ZCWPW1: variants seen among roughly 807,000 people sequenced by gnomAD.
ZCWPW1 encodes the protein zinc finger CW-type and PWWP domain containing 1.
A neutral mutation model predicts 81.3 loss-of-function variants in ZCWPW1; 56 were observed. The observed-to-expected ratio is 0.69, with a 90% CI of 0.56 to 0.86. The LOEUF is 0.86. Among genes scored for constraint, ZCWPW1 ranks in the 40% least tolerant of loss-of-function variants. ZCWPW1 has a pLI of 0.00. For synonymous variants in ZCWPW1, 250 were observed against 273.7 expected (o/e 0.91, Z 0.86); for missense variants, 650 against 769.8 (o/e 0.84, Z 1.84).
chr7:100,403,318 C>T (rs6953749), intron 15 of ZCWPW1, among the ~76,000 whole-genome samples: 25,164 of 151,466 alleles, frequency 0.17, 2,243 homozygotes, highest in Middle Eastern at 0.2. Flanking sequence ...CAGGTTCAAG[C>T]GATTCTCCTG....
Position 100,415,976 on chromosome 7 carries a change from A to T in ZCWPW1, c.753T>A (p.Phe251Leu). 1 of 1,614,088 alleles carries T rather than the reference A, an allele frequency of 6.2e-7. No individual in the cohort carries two copies. The highest frequency in any genetic ancestry group is 1.1e-5 in the South Asian group (1 of 91,086). The change falls in exon 8 of 18, where the codon TTT (phenylalanine) becomes TTA (leucine). Residue 251 changes from phenylalanine to leucine, a missense_variant and splice_region_variant. Physicochemically the swap from Phe to Leu is conservative, Grantham distance 22. Transcript: ENST00000684423. ...RDQQKGEISG[F>L]GQCLVWVQCS... Reference sequence around the variant, plus strand: ...GTTTGCCAAACCAGCTAAACTCACCAAAACCACTTATCTCTCCTTTTTGCT... The same window carrying T: ...GTTTGCCAAACCAGCTAAACTCACCTAAACCACTTATCTCTCCTTTTTGCT...
intron 2 of ZCWPW1, among the ~76,000 whole-genome samples, chr7:100,424,117 A>G (rs1289252840): frequency 6.6e-6 from 1 of 152,058 alleles, no homozygotes. Flanking sequence ...TGTAAAAAGA[A>G]TATTAATTTG....
chr7:100,421,252 G>A (rs1796287482), intron 2 of ZCWPW1, among the ~76,000 whole-genome samples: 1 of 152,232 alleles, frequency 6.6e-6, no homozygotes, highest in Non-Finnish European at 1.5e-5. Flanking sequence ...GCAGGCAGCA[G>A]AAATGGTAGT....
chr7:100,404,273 T>C (rs1452427875), intron 13 of ZCWPW1, 29 bp from the exon 14 acceptor site: 3 of 1,606,762 alleles, frequency 1.9e-6, no homozygotes, highest in Non-Finnish European at 1.7e-6. Context: ...AAAAGCATCA[T>C]CCACTACCCT....
chr7:100,415,973 A>G lies in ZCWPW1; in HGVS notation c.754+2T>C. The G allele has an allele frequency of 6.2e-7, 1 of 1,614,064 alleles. No individual in the cohort carries two copies. The highest frequency in any genetic ancestry group is 2.2e-5 in the East Asian group (1 of 44,882). On this transcript the variant is annotated splice_donor_variant, in intron 8 of 17. Coordinates refer to ENST00000684423, the MANE Select transcript of ZCWPW1 (RefSeq NM_001386010.1). LOFTEE classifies it high-confidence loss of function. ...TAGGTTTGCCAAACCAGCTAAACTCACCAAAACCACTTATCTCTCCTTTTT... is the reference window on the plus strand; with the variant it reads ...TAGGTTTGCCAAACCAGCTAAACTCGCCAAAACCACTTATCTCTCCTTTTT...
At chr7:100,404,578 T>C (rs1391109917) in intron 13 of ZCWPW1, among the ~76,000 whole-genome samples, 1 of 152,146 alleles carries the variant, frequency 6.6e-6, no homozygotes, top group East Asian at 1.9e-4. Flanking sequence ...TAGGCTGGTC[T>C]TGAACTCCTG....
Position 100,401,876 on chromosome 7 carries a change from C to G in ZCWPW1, c.1627+13G>C. 7 of 1,604,730 alleles carry G rather than the reference C, an allele frequency of 4.4e-6. No homozygotes were observed. Among genetic ancestry groups the G allele is most frequent in the African/African-American group, 1.3e-5 (1 of 74,804 alleles). ...CTCATTCCCCTTAGTTTTTCCCAGG[C>G]CTTGAGCCTTACCTGGCTGGTCAGA... is the stretch of plus-strand genomic sequence containing the variant. On this transcript the variant is annotated intron_variant, in intron 17 of 17. Transcript: ENST00000684423.
At chr7:100,406,826 A>T in intron 11 of ZCWPW1, 28 bp from the exon 12 acceptor site, 1 of 1,588,824 alleles carries the variant, frequency 6.3e-7, no homozygotes, top group Non-Finnish European at 8.6e-7. Flanking sequence ...CCTGTTACGG[A>T]CTCCTGTCCT....
intron 16 of ZCWPW1, 188 bp from the exon 17 acceptor site, chr7:100,402,229 C>A: frequency 2.5e-6 from 2 of 801,122 alleles, no homozygotes. Context: ...TCTTTTATCC[C>A]CTGGATCTTC....
chr7:100,415,855 A>G (rs571955665), intron 8 of ZCWPW1, 120 bp downstream of exon 8: 2 of 1,313,812 alleles, frequency 1.5e-6, no homozygotes, highest in African/African-American at 1.5e-5. Flanking sequence ...ATTCTGCAAC[A>G]AGCAGCTGTG....
chr7:100,418,599 T>C (rs1484693108), intron 5 of ZCWPW1: 1 of 152,470 alleles, frequency 6.6e-6, no homozygotes, highest in Non-Finnish European at 1.5e-5. Context: ...GAGACCAGCC[T>C]GGCCAGCCTG....
rs758035180 is a variant in ZCWPW1 at position 100,401,227 on chromosome 7, C to T, written c.1737G>A (p.Lys579=). ...VPKNLGLSAC[K]GACPSSAKEE... ...CTTTCGCAGATGAGGGGCAGGCCCC[C>T]TTACACGCTGATAGGCCCAGGTTCT... The change falls in exon 18 of 18, where the codon AAG becomes AAA. Residue 579 remains lysine, a synonymous_variant. Coordinates refer to ENST00000684423, the MANE Select transcript of ZCWPW1 (RefSeq NM_001386010.1). 4.3e-6 allele frequency: 7 copies of T among 1,614,222 alleles called. 1 individual carries two copies. In the South Asian group the frequency reaches 7.7e-5, roughly 18 times the overall value.
Position 100,407,229 on chromosome 7 carries a change from G to A in ZCWPW1, c.1067C>T (p.Pro356Leu), listed in dbSNP as rs200631169. 76 of 1,613,704 alleles carry A rather than the reference G, an allele frequency of 4.7e-5. No homozygotes were observed. In the East Asian group the frequency reaches 9.6e-4, roughly 20 times the overall value. ...CTTACCCTGAACCAGGAAACTCACC[G>A]GCAGGGAATCAAGATGGGAAGTAAA... ...FLFTSHLDSL[P>L]SKYHVTFFGE... The change falls in exon 11 of 18, where the codon CCG (proline) becomes CTG (leucine). Residue 356 changes from proline (P) to leucine (L), a missense_variant and splice_region_variant. Physicochemically the swap from Pro to Leu is moderately conservative, Grantham distance 98. Coordinates refer to ENST00000684423, the MANE Select transcript of ZCWPW1 (RefSeq NM_001386010.1).
intron 8 of ZCWPW1, among the ~76,000 whole-genome samples, chr7:100,412,742 C>T (rs1052101375): frequency 5.3e-5 from 8 of 152,038 alleles, no homozygotes; most frequent in African/African-American, 9.7e-5. Flanking sequence ...CTACCACACC[C>T]GGCTAATTTT....
rs1287116297 is a variant in ZCWPW1 at position 100,420,621 on chromosome 7, CCTT to C, written c.26_28del (p.Glu10del). The C allele has an allele frequency of 6.2e-7, 1 of 1,614,138 alleles. No individual in the cohort carries two copies. The highest frequency in any genetic ancestry group is 1.7e-5 in the Admixed American group (1 of 60,020). The stretch of plus-strand genomic sequence containing the variant: ...GCGAACCTCCCTCACTCTTGACTCA[CCTT>C]CTTTATTCTGCAACGTTGTCATCAT... On this transcript the variant is annotated inframe_deletion and splice_region_variant, in exon 3 of 18. Transcript: ENST00000684423.
rs375057602 is a variant in ZCWPW1, at chr7:100,401,096, C to A, written c.1868G>T (p.Gly623Val). 3.7e-6 allele frequency: 6 copies of A among 1,614,098 alleles called. No individual in the cohort carries two copies. In the African/African-American group the frequency reaches 8.0e-5, roughly 22 times the overall value. ...LDLEQLMEDV[G>V]RELGQSGELQ... ...CTCCCCGCTCTGCCCCAGCTCTCTC[C>A]CAACATCTTCCATGAGTTGCTCCAG... Residue 623 changes from glycine (G) to valine (V), a missense_variant, in exon 18 of 18, where the codon GGG becomes GTG. Gly to Val is a moderately radical substitution (Grantham distance 109). Transcript: ENST00000684423.
At chr7:100,409,688 A>G (rs1436754466) in intron 8 of ZCWPW1, 144 bp from the exon 9 acceptor site, 3 of 619,144 alleles carry the variant, frequency 4.8e-6, no homozygotes, top group South Asian at 2.0e-5. Flanking sequence ...TCCCTGACTT[A>G]TAAGAGGGAA....
chr7:100,421,583 CTT>C (rs1285192774), intron 2 of ZCWPW1, among the ~76,000 whole-genome samples: 2 of 152,294 alleles, frequency 1.3e-5, no homozygotes, highest in East Asian at 3.9e-4. Context: ...AATTTAGTAT[CTT>C]TTTCCTTATT....
intron 15 of ZCWPW1, 149 bp from the exon 16 acceptor site, chr7:100,402,725 A>C: frequency 1.2e-6 from 1 of 805,252 alleles, no homozygotes; most frequent in Non-Finnish European, 2.1e-6. Context: ...CTGGCAACAC[A>C]GAGAAAAATG....
Sources: gnomAD v4.1 joint callset for allele counts (sites outside exome capture counted in the v4.1 genomes callset) on GRCh38, gnomAD v4.1.1 for gene constraint, MANE v1.5 for transcripts, NCBI Gene and HGNC (gene_info 2026-07-23, HGNC 2026-07-21) for gene names.